The following MSI2 variants were observed in gnomAD, a reference collection of about 807,000 sequenced individuals.
MSI2 encodes the protein musashi RNA binding protein 2, also known as RNA-binding protein Musashi homolog 2.
In MSI2, 17 loss-of-function variants were observed where a neutral mutation model predicts 45.6. The ratio of observed to expected loss-of-function variants is 0.37; its 90% confidence interval spans 0.26 to 0.56. The LOEUF is 0.56. Among genes scored for constraint, MSI2 ranks in the 20% least tolerant of loss-of-function variants. The pLI, the probability that MSI2 is intolerant of heterozygous loss-of-function variation, is 0.77. For missense variants in MSI2, 293 were observed against 444.2 expected (o/e 0.66, Z 3.06); for synonymous variants, 156 against 158.2 (o/e 0.99, Z 0.11).
chr17:57,662,775 A>C (rs1483034914), intron 11 of MSI2, among the ~76,000 whole-genome samples: 1 of 152,234 alleles, frequency 6.6e-6, no homozygotes, highest in Non-Finnish European at 1.5e-5. Context: ...AGGCGGTATA[A>C]GTATTTTTTG....
intron 5 of MSI2, among the ~76,000 whole-genome samples, chr17:57,291,285 G>A (rs1024417671): frequency 2.6e-5 from 4 of 152,068 alleles, no homozygotes; most frequent in South Asian, 2.1e-4. Flanking sequence ...TTTCCTTTTC[G>A]CTGTGTACAT....
chr17:57,423,074 A>G (rs1163102837), intron 6 of MSI2, among the ~76,000 whole-genome samples: 1 of 152,166 alleles, frequency 6.6e-6, no homozygotes, highest in Non-Finnish European at 1.5e-5. Context: ...TTCTTTAATG[A>G]GTCCTTCAGA....
Position 57,296,937 on chromosome 17 carries a change from C to T in MSI2, c.312+34745C>T, listed in dbSNP as rs193230371. Among the ~76,000 whole-genome samples, 691 of 152,254 alleles carry T rather than the reference C, an allele frequency of 4.5e-3. 4 individuals are homozygous for T. Among genetic ancestry groups the T allele is most frequent in the Non-Finnish European group, 7.4e-3 (502 of 68,008 alleles). The stretch of plus-strand genomic sequence containing the variant: ...TCGCCCAGGCTGGAGTGCAGTGGCG[C>T]GATCTCTGCTCACTGCAAGCTCTGC... On this transcript the variant is annotated intron_variant, in intron 5 of 13. Transcript: ENST00000284073.
chr17:57,294,018 T>C (rs767330841), intron 5 of MSI2, among the ~76,000 whole-genome samples: 5 of 152,076 alleles, frequency 3.3e-5, no homozygotes, highest in Non-Finnish European at 5.9e-5. Flanking sequence ...AAAGTTCCTC[T>C]GTCACCTTGT....
intron 7 of MSI2, among the ~76,000 whole-genome samples, chr17:57,533,214 A>G (rs556175282): frequency 2.4e-4 from 37 of 152,156 alleles, no homozygotes; most frequent in African/African-American, 8.7e-4. Context: ...CCACAGGAGC[A>G]CCAGCCTGGG....
chr17:57,344,583 A>G (rs1305142866), intron 5 of MSI2, among the ~76,000 whole-genome samples: 1 of 152,208 alleles, frequency 6.6e-6, no homozygotes, highest in African/African-American at 2.4e-5. Context: ...TCTTTGCTCA[A>G]TGTTACTGGA....
intron 6 of MSI2, among the ~76,000 whole-genome samples, chr17:57,402,829 G>C (rs2084017661): frequency 6.6e-6 from 1 of 152,286 alleles, no homozygotes; most frequent in Non-Finnish European, 1.5e-5. Context: ...GGCCCTTTCT[G>C]GTATTGTCAG....
Position 57,529,603 on chromosome 17 carries a change from C to T in MSI2, c.406-73C>T, listed in dbSNP as rs909697947. The T allele has an allele frequency of 9.8e-5, 138 of 1,404,600 alleles. No homozygotes were observed. The highest frequency in any genetic ancestry group is 1.1e-4 in the Non-Finnish European group (109 of 995,612). 87.0% of individuals were successfully genotyped at this position (1,404,600 alleles called of 1,614,324 possible). On this transcript the variant is annotated intron_variant, in intron 6 of 13. Transcript: ENST00000284073. This position sits in a 1 kb window ranked among gnomAD's most constrained non-coding sequence, Gnocchi z 5.3. ...TAATGGAAACTACCCCCTCACCCCCCGACATGCATATAATGTTTTGTGTAC... is the reference window on the plus strand; with the variant it reads ...TAATGGAAACTACCCCCTCACCCCCTGACATGCATATAATGTTTTGTGTAC...
rs150771308 is a variant in MSI2 at position 57,585,206 on chromosome 17, C to T, written c.455-11662C>T. Reference sequence around the variant, plus strand: ...CCTCTCCCTGTCCTGAATCTTATCCCATCATGATAGTTGGTAAAGCACCAT... The same window carrying T: ...CCTCTCCCTGTCCTGAATCTTATCCTATCATGATAGTTGGTAAAGCACCAT... On this transcript the variant is annotated intron_variant, in intron 7 of 13. Coordinates refer to ENST00000284073, the MANE Select transcript of MSI2 (RefSeq NM_138962.4). Among the ~76,000 whole-genome samples the T allele has an allele frequency of 6.0e-3, 912 of 152,284 alleles. 5 individuals are homozygous for T. The highest frequency in any genetic ancestry group is 8.6e-3 in the Non-Finnish European group (583 of 68,024).
At chr17:57,693,076 A>G in the MSI2 span, among the ~76,000 whole-genome samples, 1 of 151,890 alleles carries the variant, frequency 6.6e-6, no homozygotes, top group Non-Finnish European at 1.5e-5. Flanking sequence ...GATTTCAATT[A>G]CAGAATGTTT....
At chr17:57,483,045 A>G (rs1005767657) in intron 6 of MSI2, among the ~76,000 whole-genome samples, 2 of 152,234 alleles carry the variant, frequency 1.3e-5, no homozygotes, top group African/African-American at 2.4e-5. Context: ...ATATCCTTGT[A>G]TATTTGATTC....
At chr17:57,505,611 A>G (rs914992174) in intron 6 of MSI2, among the ~76,000 whole-genome samples, 2 of 152,226 alleles carry the variant, frequency 1.3e-5, no homozygotes, top group Admixed American at 6.5e-5. Flanking sequence ...AGAAATGTGT[A>G]CAACTTGGTA....
intron 5 of MSI2, among the ~76,000 whole-genome samples, chr17:57,319,258 G>C (rs1913123675): frequency 6.6e-6 from 1 of 152,244 alleles, no homozygotes; most frequent in Non-Finnish European, 1.5e-5. Flanking sequence ...GGCTGAACTG[G>C]TTATCATTTC....
At position 57,680,576 on chromosome 17, in the gene MSI2, G is replaced by C. The variant is rs1010510974; in HGVS notation, c.*1059G>C. The C allele has an allele frequency of 8.8e-6, 2 of 227,214 alleles. No homozygotes were observed. The highest frequency in any genetic ancestry group is 4.4e-5 in the African/African-American group (2 of 44,992). 14.1% of individuals were successfully genotyped at this position (227,214 alleles called of 1,614,324 possible). A position where few individuals can be genotyped will look rare whatever the true frequency, so the allele number is the denominator to read the frequency against. On this transcript the variant is annotated 3_prime_UTR_variant, in exon 14 of 14. Transcript: ENST00000284073. The stretch of plus-strand genomic sequence containing the variant: ...TGTCTGTGTGATAGACCTAAGAACT[G>C]TATTAGTGTTGTACCAGCCTATTAA...
In MSI2 at chr17:57,298,471, C is replaced by T. The variant is rs528279675; in HGVS notation, c.312+36279C>T. Among the ~76,000 whole-genome samples the T allele has an allele frequency of 5.4e-4, 82 of 152,092 alleles. 1 individual carries two copies. The highest frequency in any genetic ancestry group is 1.0e-3 in the Non-Finnish European group (70 of 68,026). ...CTGTAATCCCAGCACTTTGCGAGGC[C>T]AAGGTGGGAGTTTGAGACCAGCCTG... On this transcript the variant is annotated intron_variant, in intron 5 of 13. Coordinates refer to ENST00000284073, the MANE Select transcript of MSI2 (RefSeq NM_138962.4).
intron 6 of MSI2, among the ~76,000 whole-genome samples, chr17:57,468,180 A>G (rs767556189): frequency 1.3e-5 from 2 of 151,850 alleles, no homozygotes; most frequent in African/African-American, 2.4e-5. Flanking sequence ...AAGAGTCTCT[A>G]CTTAAGGGTA....
At position 57,529,335 on chromosome 17, in the gene MSI2, C is replaced by T. The variant is rs1255662925; in HGVS notation, c.406-341C>T. 6.6e-6 allele frequency among the ~76,000 whole-genome samples: 1 copy of T among 152,118 alleles called. No individual in the cohort carries two copies. The highest frequency in any genetic ancestry group is 1.5e-5 in the Non-Finnish European group (1 of 68,026). ...CCTGTAGTCCCAGCTACTCAGGAAG[C>T]TGAGGCAGGAGGATTGCTTGAGCTC... On this transcript the variant is annotated intron_variant, in intron 6 of 13. Transcript: ENST00000284073. The surrounding 1 kb of genome is among the most constrained non-coding windows in gnomAD (Gnocchi z 5.3).
intron 5 of MSI2, among the ~76,000 whole-genome samples, chr17:57,320,449 AG>A (rs1352485234): frequency 6.6e-6 from 1 of 152,176 alleles, no homozygotes; most frequent in African/African-American, 2.4e-5. Flanking sequence ...GGAAGATAAT[AG>A]GGAGGATTGT....
At chr17:57,505,373 G>T (rs543356359) in intron 6 of MSI2, among the ~76,000 whole-genome samples, 2 of 152,138 alleles carry the variant, frequency 1.3e-5, no homozygotes, top group African/African-American at 2.4e-5. Flanking sequence ...TTACAGAGAG[G>T]GGGTAGAGCA....
Sources: gnomAD v4.1 joint callset for allele counts (sites outside exome capture counted in the v4.1 genomes callset) on GRCh38, gnomAD v4.1.1 for gene constraint, Gnocchi (gnomAD v3.1) non-coding constraint, MANE v1.5 for transcripts, NCBI Gene and HGNC (gene_info 2026-07-23, HGNC 2026-07-21) for gene names.